The following SPATA6 variants were observed in gnomAD, a reference collection of about 807,000 sequenced individuals.
SPATA6 encodes the protein spermatogenesis-associated protein 6.
A neutral mutation model predicts 65.3 loss-of-function variants in SPATA6; 56 were observed. The ratio of observed to expected loss-of-function variants is 0.86; its 90% CI spans 0.69 to 1.07. The LOEUF is 1.07. SPATA6 is among the 50% of genes least tolerant of loss of function. The pLI is 0.00. For missense variants in SPATA6, 590 were observed against 594.8 expected, an observed-to-expected ratio of 0.99 and a Z score of 0.08; for synonymous variants, 199 against 213.2, an observed-to-expected ratio of 0.93 and a Z score of 0.58.
chr1:48,292,890 G>A (rs1644777511), downstream of SPATA6, among the ~76,000 whole-genome samples: 1 of 152,236 alleles, frequency 6.6e-6, no homozygotes, highest in South Asian at 2.1e-4. Context: ...CCCAGGGTTT[G>A]GGTGCCCACA....
At chr1:48,284,290 G>T in the SPATA6 span, among the ~76,000 whole-genome samples, 1 of 152,094 alleles carries the variant, frequency 6.6e-6, no homozygotes, top group African/African-American at 2.4e-5. Context: ...GGTCATTTAT[G>T]TTCTTCTTTA....
the SPATA6 span, among the ~76,000 whole-genome samples, chr1:48,273,484 C>A: frequency 2.0e-5 from 3 of 152,034 alleles, no homozygotes; most frequent in African/African-American, 4.8e-5. Context: ...TAATGCTATC[C>A]CTCCCCATCC....
chr1:48,436,138 T>G, intron 3 of SPATA6: 3 of 1,610,270 alleles, frequency 1.9e-6, no homozygotes, highest in Non-Finnish European at 2.5e-6. Flanking sequence ...CGTTTCTCAC[T>G]ACGAGCTCCA....
At position 48,298,596 on chromosome 1, in the gene SPATA6, T is replaced by C; in HGVS notation, c.*117A>G. The C allele has an allele frequency of 3.2e-6, 3 of 932,682 alleles. No individual in the cohort carries two copies. The highest frequency in any genetic ancestry group is 4.8e-6 in the Non-Finnish European group (3 of 628,108). The allele number at this position is 932,682 out of a possible 1,614,324, so 57.8% of individuals were successfully genotyped here. ...AGTAATGAACTTATTCAAGTATAACTATTGTACTTAGTTATAATCCCATTT... is the reference window on the plus strand; with the variant it reads ...AGTAATGAACTTATTCAAGTATAACCATTGTACTTAGTTATAATCCCATTT... On this transcript the variant is annotated 3_prime_UTR_variant, in exon 13 of 13. Coordinates refer to ENST00000371847, the MANE Select transcript of SPATA6 (RefSeq NM_019073.4).
intron 3 of SPATA6, among the ~76,000 whole-genome samples, chr1:48,447,377 G>A (rs1315020951): frequency 6.6e-6 from 1 of 152,050 alleles, no homozygotes; most frequent in African/African-American, 2.4e-5. Flanking sequence ...AAATTAGCCG[G>A]GCATGGTGTC....
the SPATA6 span, among the ~76,000 whole-genome samples, chr1:48,287,887 TAGAGGA>T: frequency 6.6e-6 from 1 of 152,248 alleles, no homozygotes; most frequent in African/African-American, 2.4e-5. Flanking sequence ...TTCATAATCT[TAGAGGA>T]AAAGTTTTAA....
chr1:48,463,358 G>T (rs1657585265), intron 1 of SPATA6, among the ~76,000 whole-genome samples: 1 of 152,106 alleles, frequency 6.6e-6, no homozygotes, highest in South Asian at 2.1e-4. Flanking sequence ...AGGTAGGGGG[G>T]AGAGTATGAG....
intron 11 of SPATA6, among the ~76,000 whole-genome samples, chr1:48,351,248 T>C (rs1456278646): frequency 2.0e-5 from 3 of 152,008 alleles, no homozygotes; most frequent in African/African-American, 4.8e-5. Context: ...CTAGATCCTT[T>C]AGAGTTTTCT....
intron 11 of SPATA6, among the ~76,000 whole-genome samples, chr1:48,353,840 T>C (rs1292712515): frequency 1.3e-5 from 2 of 151,954 alleles, no homozygotes; most frequent in Non-Finnish European, 2.9e-5. Context: ...GAGAAAGTCT[T>C]AAAGTAGACA....
At chr1:48,391,013 T>C (rs1195811704) in intron 8 of SPATA6, among the ~76,000 whole-genome samples, 1 of 152,092 alleles carries the variant, frequency 6.6e-6, no homozygotes, top group Non-Finnish European at 1.5e-5. Context: ...ACAGTCCAAC[T>C]TCTCTTCTGT....
chr1:48,350,756 AAC>A (rs1377645211), intron 11 of SPATA6, among the ~76,000 whole-genome samples: 21 of 151,968 alleles, frequency 1.4e-4, no homozygotes, highest in South Asian at 2.1e-4. Flanking sequence ...TAATCAATAT[AAC>A]ACAATCTTCA....
intron 11 of SPATA6, among the ~76,000 whole-genome samples, chr1:48,320,366 A>C (rs1645565768): frequency 6.6e-6 from 1 of 152,224 alleles, no homozygotes; most frequent in Non-Finnish European, 1.5e-5. Flanking sequence ...AAAAGCAGCA[A>C]GAGAAAAACA....
At chr1:48,443,893 G>A (rs921359202) in intron 3 of SPATA6, among the ~76,000 whole-genome samples, 1 of 152,086 alleles carries the variant, frequency 6.6e-6, no homozygotes, top group Non-Finnish European at 1.5e-5. Context: ...CTTACAAATG[G>A]AACCCCAAAT....
intron 1 of SPATA6, among the ~76,000 whole-genome samples, chr1:48,456,854 C>T (rs1657044896): frequency 6.6e-6 from 1 of 152,044 alleles, no homozygotes; most frequent in South Asian, 2.1e-4. Flanking sequence ...GAAAAATGAA[C>T]AGAGTTTCAG....
intron 9 of SPATA6, among the ~76,000 whole-genome samples, chr1:48,368,872 T>C (rs537719204): frequency 2.0e-5 from 3 of 152,366 alleles, no homozygotes; most frequent in African/African-American, 7.2e-5. Flanking sequence ...AGAGGCGTGC[T>C]GTTTTTTAGA....
At chr1:48,325,464 C>A (rs745526095) in intron 11 of SPATA6, 3 of 1,213,568 alleles carry the variant, frequency 2.5e-6, no homozygotes, top group Non-Finnish European at 2.4e-6. Flanking sequence ...GTTCCTGAAT[C>A]GACAAACTGA....
At chr1:48,349,568 G>A (rs2148790554) in intron 11 of SPATA6, among the ~76,000 whole-genome samples, 1 of 151,862 alleles carries the variant, frequency 6.6e-6, no homozygotes, top group East Asian at 1.9e-4. Flanking sequence ...TTTGACAAAT[G>A]CATAAAGTTA....
intron 11 of SPATA6, among the ~76,000 whole-genome samples, chr1:48,349,660 A>G (rs1241520871): frequency 6.6e-6 from 1 of 151,932 alleles, no homozygotes; most frequent in Non-Finnish European, 1.5e-5. Context: ...TTTGTAGTCA[A>G]CATCTTCTGT....
At chr1:48,371,802 C>T (rs144154878) in intron 9 of SPATA6, among the ~76,000 whole-genome samples, 147 of 152,160 alleles carry the variant, frequency 9.7e-4, no homozygotes, top group East Asian at 5.4e-3. Flanking sequence ...GGGGAGGTTT[C>T]GCAATCATGG....
Sources: gnomAD v4.1 joint callset for allele counts (sites outside exome capture counted in the v4.1 genomes callset) on GRCh38, gnomAD v4.1.1 for gene constraint, MANE v1.5 for transcripts, NCBI Gene and HGNC (gene_info 2026-07-23, HGNC 2026-07-21) for gene names.